PITRM1: variants seen among roughly 807,000 people sequenced by gnomAD.
PITRM1 encodes the protein presequence protease, mitochondrial.
Under a neutral mutation model 129.9 loss-of-function variants are expected in PITRM1, and 100 were observed. The observed-to-expected ratio is 0.77, with a 90% CI of 0.65 to 0.91. The LOEUF is 0.91. PITRM1 is among the 40% of genes least tolerant of loss of function. PITRM1 has a pLI of 0.00. For missense variants in PITRM1, 1,471 were observed against 1,318.3 expected, an observed-to-expected ratio of 1.12 and a Z score of -1.79; for synonymous variants, 591 against 508.8, an observed-to-expected ratio of 1.16 and a Z score of -2.17.
intron 25 of PITRM1, 97 bp from the exon 26 acceptor site, chr10:3,138,434 G>A: frequency 2.5e-6 from 2 of 786,840 alleles, no homozygotes; most frequent in South Asian, 1.4e-5. Flanking sequence ...GCATCTCACT[G>A]TCATTTCACG....
rs189355564 is a variant in PITRM1, at chr10:3,152,449, G to A, written c.1622-1086C>T. Among the ~76,000 whole-genome samples the A allele has an allele frequency of 3.0e-3, 452 of 152,322 alleles. 14 individuals carry two copies. The highest frequency in any genetic ancestry group is 9.0e-4 in the Non-Finnish European group (61 of 68,032). On this transcript the variant is annotated intron_variant, in intron 14 of 26. Transcript: ENST00000224949. ...CCATTTCCACCTTCTGAAGTTCCCC[G>A]AGAGCGTGCCACGCACTTAGACACG...
chr10:3,138,833 G>T (rs756544202), intron 25 of PITRM1, 71 bp downstream of exon 25: 1 of 1,470,470 alleles, frequency 6.8e-7, no homozygotes, highest in Non-Finnish European at 9.5e-7. Context: ...CATGCATGCC[G>T]GGAACTTGGA....
chr10:3,149,585 T>C (rs1362431737), intron 16 of PITRM1, 36 bp downstream of exon 16: 1 of 1,512,504 alleles, frequency 6.6e-7, no homozygotes, highest in Non-Finnish European at 8.8e-7. Flanking sequence ...AAAGCAGACA[T>C]TAATAAGACA....
chr10:3,159,888 AGGG>A lies in PITRM1; in HGVS notation c.964_966del (p.Pro322del). On this transcript the variant is annotated inframe_deletion, in exon 9 of 27. Transcript: ENST00000224949. The stretch of plus-strand genomic sequence containing the variant: ...CTAACGCTGATGGTTGTTTGTTTAG[AGGG>A]ATCTGTAGCAAATGAATCCGGGCCA... The A allele has an allele frequency of 6.2e-7, 1 of 1,605,956 alleles. No individual in the cohort carries two copies. Among genetic ancestry groups the A allele is most frequent in the East Asian group, 2.2e-5 (1 of 44,774 alleles).
rs755615194 is a variant in PITRM1 at position 3,163,879 on chromosome 10, T to C, written c.637A>G (p.Asn213Asp). ...AGGTGCTGGGAGAATATCCTCTCATTGTCTGTCTTGAAACGTAAAATAAAT... is the reference window on the plus strand; with the variant it reads ...AGGTGCTGGGAGAATATCCTCTCATCGTCTGTCTTGAAACGTAAAATAAAT... ...FNEMKGAFTD[N>D]ERIFSQHLQN... Residue 213 changes from asparagine to aspartate, a missense_variant, in exon 7 of 27, where the codon AAT becomes GAT. Physicochemically the swap from Asn to Asp is conservative, Grantham distance 23. Transcript: ENST00000224949. 4.6e-5 allele frequency: 73 copies of C among 1,599,610 alleles called. 1 individual carries two copies. The South Asian group carries it at 8.1e-4, about 18-fold the overall frequency.
In PITRM1 at chr10:3,156,917, C is replaced by T; in HGVS notation, c.1482+13G>A. 1 of 1,503,974 alleles carries T rather than the reference C, an allele frequency of 6.6e-7. No individual in the cohort carries two copies. The highest frequency in any genetic ancestry group is 8.9e-7 in the Non-Finnish European group (1 of 1,120,248). The allele number at this position is 1,503,974 out of a possible 1,614,324, so 93.2% of individuals were successfully genotyped here. ...CTTCAAAATTAGAGAAATGAATTATCCAACTTTCTTACCTTAAAATACTGT... is the reference window on the plus strand; with the variant it reads ...CTTCAAAATTAGAGAAATGAATTATTCAACTTTCTTACCTTAAAATACTGT... On this transcript the variant is annotated intron_variant, in intron 13 of 26. Coordinates refer to ENST00000224949, the MANE Select transcript of PITRM1 (RefSeq NM_014889.4).
At chr10:3,160,790 C>T (rs1254635134) in intron 7 of PITRM1, among the ~76,000 whole-genome samples, 3 of 150,298 alleles carry the variant, frequency 2.0e-5, no homozygotes, top group Admixed American at 1.3e-4. Flanking sequence ...GATGGAGTCT[C>T]GCCCCGTCCC....
At chr10:3,159,114 T>G (rs1842225438) in intron 9 of PITRM1, 72 bp from the exon 10 acceptor site, 2 of 1,328,216 alleles carry the variant, frequency 1.5e-6, no homozygotes, top group East Asian at 2.5e-5. Context: ...TTATGCACAT[T>G]TTATTTAAAA....
intron 22 of PITRM1, chr10:3,143,965 C>T (rs1451639979): frequency 1.7e-5 from 9 of 522,664 alleles, no homozygotes; most frequent in African/African-American, 7.6e-5. Context: ...CGACTCAGCT[C>T]GGGAGCTACG....
At chr10:3,158,465 G>A (rs760099632) in intron 10 of PITRM1, among the ~76,000 whole-genome samples, 15 of 152,180 alleles carry the variant, frequency 9.9e-5, no homozygotes, top group Non-Finnish European at 1.6e-4. Context: ...CAGGAGAATG[G>A]TGTGAACCCG....
rs764969962 is a variant in PITRM1 at position 3,155,703 on chromosome 10, C to T, written c.1509G>A (p.Ser503=). The change falls in exon 14 of 27, where the codon TCG becomes TCA. Residue 503 remains serine, a synonymous_variant. Coordinates refer to ENST00000224949, the MANE Select transcript of PITRM1 (RefSeq NM_014889.4). ...CGTGATACTTGTCATCTGGCCTCAT[C>T]GATAAAGTCAGCTTATGCTGGTTAT... The part of the protein sequence containing the change: ...FKNNQHKLTL[S]MRPDDKYHEK... 25 of 1,613,716 alleles carry T rather than the reference C, an allele frequency of 1.5e-5. No individual in the cohort carries two copies. The Admixed American group carries it at 1.7e-4, about 11-fold the overall frequency.
At position 3,139,818 on chromosome 10, in the gene PITRM1, G is replaced by A. The variant is rs138571264; in HGVS notation, c.2772-769C>T. On this transcript the variant is annotated intron_variant, in intron 24 of 26. Transcript: ENST00000224949. Reference sequence around the variant, plus strand: ...TAGGACCACAGGCACTTGCCACTGCGGCCGGCTGGCTCCTTCTTAAAAACT... The same window carrying A: ...TAGGACCACAGGCACTTGCCACTGCAGCCGGCTGGCTCCTTCTTAAAAACT... Among the ~76,000 whole-genome samples the A allele has an allele frequency of 2.8e-3, 431 of 152,288 alleles. 4 individuals carry two copies. The highest frequency in any genetic ancestry group is 9.7e-3 in the African/African-American group (405 of 41,554).
chr10:3,157,614 G>A (rs1420647314), intron 11 of PITRM1, 83 bp from the exon 12 acceptor site: 2 of 842,954 alleles, frequency 2.4e-6, no homozygotes, highest in South Asian at 3.2e-5. Flanking sequence ...GGCCAAGGCA[G>A]GAGGACTGCT....
rs751348101 is a variant in PITRM1, at chr10:3,138,240, G to T, written c.3015C>A (p.Ser1005Arg). The change falls in exon 26 of 27, where the codon AGC becomes AGA. Residue 1005 changes from serine (S) to arginine (R), a missense_variant. By Grantham distance (110) the Ser-to-Arg change is moderately radical. Transcript: ENST00000224949. ...AVSHDKLLAV[S>R]DRYLGTGKST... is the part of the protein sequence containing the mutation. Reference sequence around the variant, plus strand: ...CTCCCCCGCTCCCCACTCACCTATCGCTCACGGCCAGGAGCTTGTCGTGGC... The same window carrying T: ...CTCCCCCGCTCCCCACTCACCTATCTCTCACGGCCAGGAGCTTGTCGTGGC... 1.2e-6 allele frequency: 2 copies of T among 1,611,804 alleles called. No individual in the cohort carries two copies. The highest frequency in any genetic ancestry group is 1.1e-5 in the South Asian group (1 of 91,054).
intron 7 of PITRM1, among the ~76,000 whole-genome samples, chr10:3,162,944 T>C (rs1842570447): frequency 6.6e-6 from 1 of 152,138 alleles, no homozygotes; most frequent in Admixed American, 6.5e-5. Context: ...AAGTATGTTT[T>C]ATTCTATTAA....
chr10:3,143,737 A>G (rs1221802630), intron 22 of PITRM1: 3 of 698,772 alleles, frequency 4.3e-6, no homozygotes, highest in Non-Finnish European at 8.0e-6. Context: ...TAAAACTGAC[A>G]TGAAGTCCTC....
intron 23 of PITRM1, chr10:3,141,510 G>C: frequency 4.6e-6 from 1 of 219,694 alleles, no homozygotes; most frequent in Non-Finnish European, 1.0e-5. Context: ...AATCCCTTAA[G>C]AAAACACACA....
At chr10:3,145,314 G>A (rs147496255) in intron 21 of PITRM1, 82 of 388,470 alleles carry the variant, frequency 2.1e-4, no homozygotes, top group African/African-American at 8.0e-4. Flanking sequence ...CTCTGCCAGC[G>A]TATTCCAGCC....
chr10:3,148,561 C>T, intron 16 of PITRM1: 1 of 408,406 alleles, frequency 2.4e-6, no homozygotes, highest in East Asian at 3.9e-5. Context: ...AGTGTCTGCA[C>T]TTAAAACACC....
Sources: gnomAD v4.1 joint callset for allele counts (sites outside exome capture counted in the v4.1 genomes callset) on GRCh38, gnomAD v4.1.1 for gene constraint, MANE v1.5 for transcripts, NCBI Gene and HGNC (gene_info 2026-07-23, HGNC 2026-07-21) for gene names.